Variants in SYK observed in about 807,000 individuals in gnomAD.
SYK encodes the protein spleen associated tyrosine kinase.
A neutral mutation model predicts 77.8 loss-of-function variants in SYK; 16 were observed. The ratio of observed to expected loss-of-function variants is 0.21; its 90% CI spans 0.14 to 0.31. The LOEUF is 0.31. Among genes scored for constraint, SYK ranks in the 10% least tolerant of loss-of-function variants. The pLI, the probability that SYK is intolerant of heterozygous loss-of-function variation, is 1.00. For synonymous variants in SYK, 312 were observed against 308.7 expected, an observed-to-expected ratio of 1.01 and a Z score of -0.11; for missense variants, 529 against 814.4, an observed-to-expected ratio of 0.65 and a Z score of 4.26.
intron 1 of SYK, among the ~76,000 whole-genome samples, chr9:90,831,540 G>A (rs772530856): frequency 2.6e-4 from 40 of 152,210 alleles, no homozygotes; most frequent in Non-Finnish European, 5.1e-4. Flanking sequence ...TATGGATGAG[G>A]TTGGGTCTTT....
intron 3 of SYK, among the ~76,000 whole-genome samples, chr9:90,845,795 T>A (rs1396224265): frequency 6.6e-6 from 1 of 152,190 alleles, no homozygotes; most frequent in Non-Finnish European, 1.5e-5. Flanking sequence ...TTTTGCCCAG[T>A]CTAACTCTAA....
intron 3 of SYK, among the ~76,000 whole-genome samples, chr9:90,859,396 C>G (rs1276195822): frequency 6.6e-6 from 1 of 152,100 alleles, no homozygotes; most frequent in Non-Finnish European, 1.5e-5. Context: ...TATATGGTAG[C>G]ATGGAGTGAG....
intron 1 of SYK, among the ~76,000 whole-genome samples, chr9:90,809,966 G>A (rs1825014146): frequency 6.6e-6 from 1 of 152,124 alleles, no homozygotes; most frequent in African/African-American, 2.4e-5. Flanking sequence ...AGGCAGCTTG[G>A]CAGCTGGGGA....
At chr9:90,841,204 G>T (rs1189268230) in intron 1 of SYK, among the ~76,000 whole-genome samples, 1 of 151,082 alleles carries the variant, frequency 6.6e-6, no homozygotes, top group Non-Finnish European at 1.5e-5. Flanking sequence ...TATGTGTGTT[G>T]CATGTAGTGT....
chr9:90,862,641 C>T (rs374705507), intron 4 of SYK, among the ~76,000 whole-genome samples: 164 of 152,352 alleles, frequency 1.1e-3, no homozygotes, highest in African/African-American at 3.6e-3. Flanking sequence ...TTCAGGGCCA[C>T]TCAGCCCTCA....
intron 1 of SYK, among the ~76,000 whole-genome samples, chr9:90,805,350 G>A (rs1276206346): frequency 6.6e-6 from 1 of 152,240 alleles, no homozygotes; most frequent in Non-Finnish European, 1.5e-5. Flanking sequence ...GCGCTGGAAG[G>A]GAGCATAAGT....
intron 1 of SYK, among the ~76,000 whole-genome samples, chr9:90,820,787 G>T (rs560356683): frequency 6.6e-6 from 1 of 151,964 alleles, no homozygotes; most frequent in Admixed American, 6.5e-5. Context: ...CAGCTGAGTT[G>T]AATTTCTCCC....
intron 3 of SYK, among the ~76,000 whole-genome samples, chr9:90,850,669 C>T (rs994893808): frequency 3.3e-5 from 5 of 151,668 alleles, no homozygotes; most frequent in East Asian, 1.9e-4. Context: ...ACACTTTCAT[C>T]GTGAGTACCA....
intron 3 of SYK, 113 bp from the exon 4 acceptor site, chr9:90,862,093 G>C (rs1452761568): frequency 7.5e-7 from 1 of 1,334,644 alleles, no homozygotes; most frequent in South Asian, 1.8e-5. Flanking sequence ...GCCTTGCCAG[G>C]TGACAGGCCC....
At chr9:90,847,888 G>C (rs1436210018) in intron 3 of SYK, among the ~76,000 whole-genome samples, 1 of 152,204 alleles carries the variant, frequency 6.6e-6, no homozygotes, top group Non-Finnish European at 1.5e-5. Context: ...AAGTCTCCTT[G>C]TCAGGGTATC....
intron 7 of SYK, 42 bp downstream of exon 7, chr9:90,867,241 G>A (rs764882467): frequency 1.2e-6 from 2 of 1,603,734 alleles, no homozygotes; most frequent in East Asian, 2.2e-5. Context: ...TAAGTGGTAG[G>A]ACCAACGCGC....
chr9:90,883,018 G>C (rs573762275), intron 11 of SYK, among the ~76,000 whole-genome samples: 7 of 152,140 alleles, frequency 4.6e-5, no homozygotes, highest in Non-Finnish European at 7.4e-5. Context: ...TCCATAGAGG[G>C]AACTCACGCT....
At chr9:90,843,326 C>T (rs1826446983) in intron 1 of SYK, among the ~76,000 whole-genome samples, 1 of 152,194 alleles carries the variant, frequency 6.6e-6, no homozygotes, top group Non-Finnish European at 1.5e-5. Context: ...GGCTCAGCAC[C>T]AGCGTGTGAC....
intron 3 of SYK, among the ~76,000 whole-genome samples, chr9:90,850,392 T>G (rs995664147): frequency 5.3e-5 from 8 of 152,148 alleles, no homozygotes; most frequent in African/African-American, 1.9e-4. Context: ...GGTGTGTGCC[T>G]GTAGTCCCAG....
At chr9:90,828,094 T>A (rs1825720760) in intron 1 of SYK, among the ~76,000 whole-genome samples, 1 of 152,120 alleles carries the variant, frequency 6.6e-6, no homozygotes, top group Admixed American at 6.6e-5. Context: ...AGGATCCCCA[T>A]AAAGATTATG....
In SYK at chr9:90,845,628, A is replaced by T. The variant is rs1213367627; in HGVS notation, c.578+34A>T. ...CGTGCCTTCCCCCTCACCTCCTGCC[A>T]CCAGGCCTGTGTGGACAATTGGGAA... On this transcript the variant is annotated intron_variant, in intron 3 of 13. Coordinates refer to ENST00000375754, the MANE Select transcript of SYK (RefSeq NM_003177.7). 8 of 1,606,094 alleles carry T rather than the reference A, an allele frequency of 5.0e-6. No individual in the cohort carries two copies. In the East Asian group the frequency reaches 1.6e-4, roughly 31 times the overall value.
chr9:90,877,130 G>T (rs1025876938), intron 9 of SYK, among the ~76,000 whole-genome samples: 2 of 152,118 alleles, frequency 1.3e-5, no homozygotes, highest in Admixed American at 1.3e-4. Flanking sequence ...GCTCACTGCA[G>T]CCTTGAACTC....
chr9:90,889,682 C>T (rs1025110554), intron 13 of SYK, among the ~76,000 whole-genome samples: 14 of 152,260 alleles, frequency 9.2e-5, no homozygotes, highest in African/African-American at 3.4e-4. Context: ...CCTGCTGCTG[C>T]CGTGGCTCAG....
chr9:90,851,840 T>A (rs1190238294), intron 3 of SYK, among the ~76,000 whole-genome samples: 1 of 152,182 alleles, frequency 6.6e-6, no homozygotes, highest in African/African-American at 2.4e-5. Context: ...CCGAAGCATA[T>A]ACAATTTGAA....
Sources: gnomAD v4.1 joint callset for allele counts (sites outside exome capture counted in the v4.1 genomes callset) on GRCh38, gnomAD v4.1.1 for gene constraint, MANE v1.5 for transcripts, NCBI Gene and HGNC (gene_info 2026-07-23, HGNC 2026-07-21) for gene names.